Variants in HAX1 observed in about 807,000 individuals in gnomAD.
HAX1 encodes HCLS1-associated protein X-1.
A neutral mutation model predicts 31.1 loss-of-function variants in HAX1; 27 were observed. That is an observed-to-expected ratio of 0.87 (90% CI 0.64 to 1.20). The LOEUF is 1.20. Ranked by LOEUF, HAX1 falls within the 50% of genes most tolerant of loss-of-function variation. The pLI, the probability that HAX1 is intolerant of heterozygous loss-of-function variation, is 0.00. For missense variants in HAX1, 357 were observed against 361.6 expected (o/e 0.99, Z 0.10); for synonymous variants, 114 against 124.1 (o/e 0.92, Z 0.54).
intron 3 of HAX1, among the ~76,000 whole-genome samples, chr1:154,274,438 C>T (rs567848520): frequency 2.6e-5 from 4 of 152,108 alleles, no homozygotes; most frequent in East Asian, 2.0e-4. Flanking sequence ...GTAGAGATGG[C>T]GTTTCACCGT....
At chr1:154,275,589 A>G (rs1297325325) in intron 6 of HAX1, 27 bp from the exon 7 acceptor site, 7 of 1,593,574 alleles carry the variant, frequency 4.4e-6, no homozygotes, top group Non-Finnish European at 6.0e-6. Context: ...CATTTAGCCT[A>G]TTTACGTGTA....
intron 3 of HAX1, 116 bp downstream of exon 3, chr1:154,274,077 G>A (rs934757897): frequency 4.4e-6 from 4 of 908,744 alleles, no homozygotes; most frequent in Non-Finnish European, 7.2e-6. Context: ...GGAGGCCGAG[G>A]TGGGCAGATC....
intron 1 of HAX1, 107 bp from the exon 2 acceptor site, chr1:154,273,229 C>G (rs968884451): frequency 3.7e-6 from 5 of 1,340,730 alleles, no homozygotes; most frequent in Admixed American, 1.7e-5. Flanking sequence ...CGACCCTCTC[C>G]CTAGCTTCCC....
At position 154,273,372 on chromosome 1, in the gene HAX1, TG is replaced by T. The variant is rs764082747; in HGVS notation, c.91del (p.Glu31LysfsTer54). On this transcript the variant is annotated frameshift_variant, in exon 2 of 7. Transcript: ENST00000328703. LOFTEE classifies it high-confidence loss of function. Reference protein sequence around the residue: ...DPFFGGMTRDEDDDEEEEEEG... With the variant: ...DPFFGGMTRDXDDDEEEEEEG... ...CCTTTTTTGGAGGGATGACTCGAGA[TG>T]AAGATGATGATGAGGAAGAAGAAGA... is the stretch of plus-strand genomic sequence containing the variant. The T allele has an allele frequency of 4.8e-4, 777 of 1,613,368 alleles. 1 individual carries two copies. The highest frequency in any genetic ancestry group is 6.3e-4 in the Non-Finnish European group (741 of 1,179,876).
chr1:154,273,371 A>G lies in HAX1; in HGVS notation c.89A>G (p.Asp30Gly). 1 of 1,613,712 alleles carries G rather than the reference A, an allele frequency of 6.2e-7. No individual in the cohort carries two copies. The highest frequency in any genetic ancestry group is 8.5e-7 in the Non-Finnish European group (1 of 1,179,870). ...CCCTTTTTTGGAGGGATGACTCGAG[A>G]TGAAGATGATGATGAGGAAGAAGAA... ...RDPFFGGMTR[D>G]EDDDEEEEEE... The change falls in exon 2 of 7, where the codon GAT becomes GGT. Residue 30 changes from aspartate to glycine, a missense_variant. Coordinates refer to ENST00000328703, the MANE Select transcript of HAX1 (RefSeq NM_006118.4).
chr1:154,272,881 C>T, intron 1 of HAX1, 105 bp downstream of exon 1: 2 of 982,078 alleles, frequency 2.0e-6, no homozygotes, highest in Admixed American at 2.0e-5. Flanking sequence ...CCTTCAACTC[C>T]TGCAGAGAGG....
Position 154,272,676 on chromosome 1 carries a change from G to C in HAX1, c.-48G>C, listed in dbSNP as rs748852994. On this transcript the variant is annotated 5_prime_UTR_variant, in exon 1 of 7. Coordinates refer to ENST00000328703, the MANE Select transcript of HAX1 (RefSeq NM_006118.4). The stretch of plus-strand genomic sequence containing the variant: ...AGGGCTGCGCAGGTTTCCCCCGTCT[G>C]CGAATGGACCACTGGAGGGGTTCAA... 1 of 1,597,632 alleles carries C rather than the reference G, an allele frequency of 6.3e-7. No individual in the cohort carries two copies. Among genetic ancestry groups the C allele is most frequent in the South Asian group, 1.1e-5 (1 of 90,428 alleles).
chr1:154,273,153 A>T, intron 1 of HAX1, 183 bp from the exon 2 acceptor site: 3 of 274,894 alleles, frequency 1.1e-5, no homozygotes, highest in Non-Finnish European at 1.3e-5. Flanking sequence ...CTTTGATTAA[A>T]AAAAAAAAAA....
chr1:154,273,555 C>A lies in HAX1; in HGVS notation c.273C>A (p.Ile91=). Residue 91 remains isoleucine (I), a synonymous_variant, in exon 2 of 7, where the codon ATC becomes ATA. Transcript: ENST00000328703. The part of the protein sequence containing the change: ...FDDLVRDFNS[I]FSDMGAWTLP... ...ACCTAGTACGAGATTTCAATAGCAT[C>A]TTCAGCGATATGGGGGCCTGGACCT... 1 of 1,614,176 alleles carries A rather than the reference C, an allele frequency of 6.2e-7. No individual in the cohort carries two copies. Among genetic ancestry groups the A allele is most frequent in the Non-Finnish European group, 8.5e-7 (1 of 1,180,020 alleles).
At position 154,272,686 on chromosome 1, in the gene HAX1, C is replaced by T. The variant is rs1293854255; in HGVS notation, c.-38C>T. On this transcript the variant is annotated 5_prime_UTR_variant, in exon 1 of 7. Transcript: ENST00000328703. ...AGGTTTCCCCCGTCTGCGAATGGAC[C>T]ACTGGAGGGGTTCAAAGGTTCGCGT... 3.7e-6 allele frequency: 6 copies of T among 1,607,944 alleles called. No individual in the cohort carries two copies. The highest frequency in any genetic ancestry group is 5.1e-6 in the Non-Finnish European group (6 of 1,174,636).
intron 6 of HAX1, 27 bp downstream of exon 6, chr1:154,275,510 C>T: frequency 6.3e-7 from 1 of 1,595,160 alleles, no homozygotes; most frequent in East Asian, 2.2e-5. Flanking sequence ...AGGGGTTCAT[C>T]TCAAGATTCC....
At chr1:154,275,118 T>C (rs1684904034) in intron 4 of HAX1, 36 bp from the exon 5 acceptor site, 1 of 1,510,282 alleles carries the variant, frequency 6.6e-7, no homozygotes, top group African/African-American at 1.4e-5. Context: ...CTTTGGACTC[T>C]TTCTCTCCTG....
In HAX1 at chr1:154,273,339, C is replaced by T. The variant is rs941774283; in HGVS notation, c.57C>T (p.His19=). Residue 19 remains histidine (H), a synonymous_variant, in exon 2 of 7, where the codon CAC becomes CAT. Coordinates refer to ENST00000328703, the MANE Select transcript of HAX1 (RefSeq NM_006118.4). ...GCCAATCTGCCTCCACTCTCAGCCA[C>T]AGAGATCCCTTTTTTGGAGGGATGA... ...GFFGFPGPRS[H]RDPFFGGMTR... 1.2e-6 allele frequency: 2 copies of T among 1,613,682 alleles called. No individual in the cohort carries two copies. The highest frequency in any genetic ancestry group is 2.7e-5 in the African/African-American group (2 of 74,768).
chr1:154,275,431 C>A lies in HAX1; in HGVS notation c.702C>A (p.Gly234=). ...GCCGGACTGTGGTGGACAGTGAGGG[C>A]CGGACAGAGACTACAGTAACCCGAC... ...EERRTVVDSE[G]RTETTVTRHE... Residue 234 remains glycine (G), a synonymous_variant, in exon 6 of 7, where the codon GGC becomes GGA. Transcript: ENST00000328703. The A allele has an allele frequency of 6.2e-7, 1 of 1,614,106 alleles. No individual in the cohort carries two copies. Among genetic ancestry groups the A allele is most frequent in the Non-Finnish European group, 8.5e-7 (1 of 1,180,004 alleles).
At position 154,273,973 on chromosome 1, in the gene HAX1, A is replaced by C. The variant is rs746515158; in HGVS notation, c.504+12A>C. ...GGCCATTTCATAGGGTGAGTATCCC[A>C]TCTGGTCCTGAAGTGAGAGCTTGTG... On this transcript the variant is annotated intron_variant, in intron 3 of 6. Coordinates refer to ENST00000328703, the MANE Select transcript of HAX1 (RefSeq NM_006118.4). The C allele has an allele frequency of 1.2e-5, 20 of 1,610,236 alleles. No homozygotes were observed. Among genetic ancestry groups the C allele is most frequent in the Non-Finnish European group, 1.7e-5 (20 of 1,176,454 alleles).
rs1486270875 is a variant in HAX1, at chr1:154,273,887, G to C, written c.430G>C (p.Val144Leu). 2 of 1,614,136 alleles carry C rather than the reference G, an allele frequency of 1.2e-6. No individual in the cohort carries two copies. Among genetic ancestry groups the C allele is most frequent in the Admixed American group, 3.3e-5 (2 of 60,014 alleles). The change falls in exon 3 of 7, where the codon GTC (valine) becomes CTC (leucine). Residue 144 changes from valine (V) to leucine (L), a missense_variant. By Grantham distance (32) the Val-to-Leu change is conservative (BLOSUM62 1). Transcript: ENST00000328703. ...TCACCAGCCCAGGATCTTTGGGGGGGTCTTGGAGAGTGATGCAAGAAGTGA... is the reference window on the plus strand; with the variant it reads ...TCACCAGCCCAGGATCTTTGGGGGGCTCTTGGAGAGTGATGCAAGAAGTGA... ...DSHQPRIFGG[V>L]LESDARSESP...
intron 1 of HAX1, 36 bp downstream of exon 1, chr1:154,272,812 C>G: frequency 6.3e-7 from 1 of 1,587,312 alleles, no homozygotes; most frequent in Non-Finnish European, 8.7e-7. Context: ...GGGTGGGGGT[C>G]GTCTGAGGGG....
intron 1 of HAX1, 88 bp downstream of exon 1, chr1:154,272,864 T>C: frequency 1.8e-6 from 2 of 1,127,330 alleles, no homozygotes. Flanking sequence ...ACATCCTCTG[T>C]CCCACTCCTT....
Position 154,273,890 on chromosome 1 carries a change from T to G in HAX1, c.433T>G (p.Leu145Val). The change falls in exon 3 of 7, where the codon TTG becomes GTG. Residue 145 changes from leucine to valine, a missense_variant. Transcript: ENST00000328703. ...CCAGCCCAGGATCTTTGGGGGGGTCTTGGAGAGTGATGCAAGAAGTGAATC... is the reference window on the plus strand; with the variant it reads ...CCAGCCCAGGATCTTTGGGGGGGTCGTGGAGAGTGATGCAAGAAGTGAATC... ...SHQPRIFGGV[L>V]ESDARSESPQ... The G allele has an allele frequency of 8.7e-6, 14 of 1,614,080 alleles. No homozygotes were observed. Among genetic ancestry groups the G allele is most frequent in the Non-Finnish European group, 1.2e-5 (14 of 1,180,012 alleles).
Sources: gnomAD v4.1 joint callset for allele counts (sites outside exome capture counted in the v4.1 genomes callset) on GRCh38, gnomAD v4.1.1 for gene constraint, MANE v1.5 for transcripts, NCBI Gene and HGNC (gene_info 2026-07-23, HGNC 2026-07-21) for gene names.